Variants in NAALADL2 observed in about 807,000 individuals in gnomAD.
NAALADL2 encodes N-acetylated alpha-linked acidic dipeptidase like 2.
In NAALADL2, 76 loss-of-function variants were observed where a neutral mutation model predicts 87.2. The ratio of observed to expected loss-of-function variants is 0.87; its 90% CI spans 0.72 to 1.05. The LOEUF (loss-of-function observed/expected upper bound fraction) is 1.05. Among genes scored for constraint, NAALADL2 ranks in the 50% least tolerant of loss-of-function variants. The pLI is 0.00. For missense variants in NAALADL2, 1,089 were observed against 945.8 expected (o/e 1.15, Z -1.99); for synonymous variants, 354 against 331.0 (o/e 1.07, Z -0.75).
chr3:174,899,404 G>A (rs1440074340), intron 1 of NAALADL2, among the ~76,000 whole-genome samples: 1 of 152,074 alleles, frequency 6.6e-6, no homozygotes, highest in Non-Finnish European at 1.5e-5. Flanking sequence ...ATTGGATCAT[G>A]GGGGCCAATG....
intron 9 of NAALADL2, among the ~76,000 whole-genome samples, chr3:175,526,440 T>C (rs563413904): frequency 6.6e-6 from 1 of 152,324 alleles, no homozygotes; most frequent in South Asian, 2.1e-4. Context: ...TTTGCACAGA[T>C]TAAATCATTT....
intron 2 of NAALADL2, among the ~76,000 whole-genome samples, chr3:175,113,223 G>GT (rs1724505525): frequency 6.6e-6 from 1 of 151,466 alleles, no homozygotes; most frequent in African/African-American, 2.4e-5. Context: ...ATAAAAACAA[G>GT]AAGGACGTTG....
intron 1 of NAALADL2, among the ~76,000 whole-genome samples, chr3:175,043,594 A>G (rs1474513574): frequency 7.2e-5 from 11 of 152,132 alleles, no homozygotes; most frequent in Admixed American, 7.2e-4. Flanking sequence ...AATTTTTTAC[A>G]TGTGGATATC....
chr3:174,942,766 G>A (rs758008400), intron 1 of NAALADL2, among the ~76,000 whole-genome samples: 5 of 151,984 alleles, frequency 3.3e-5, no homozygotes, highest in Non-Finnish European at 5.9e-5. Context: ...ATTTTGGTCT[G>A]TCTTATTTCA....
intron 1 of NAALADL2, among the ~76,000 whole-genome samples, chr3:174,480,354 G>A (rs532739390): frequency 2.0e-5 from 3 of 152,074 alleles, no homozygotes; most frequent in African/African-American, 7.2e-5. Context: ...CTATGAATTG[G>A]GATATCAATA....
chr3:175,092,489 GC>G (rs1289252520), intron 1 of NAALADL2, among the ~76,000 whole-genome samples: 1 of 151,750 alleles, frequency 6.6e-6, no homozygotes, highest in Non-Finnish European at 1.5e-5. Context: ...TAAAATATTT[GC>G]CAGACACTGT....
Position 175,313,547 on chromosome 3 carries a change from C to T in NAALADL2, c.940-10628C>T, listed in dbSNP as rs539777645. Among the ~76,000 whole-genome samples, 10 of 152,130 alleles carry T rather than the reference C, an allele frequency of 6.6e-5. No individual in the cohort carries two copies. In the East Asian group the frequency reaches 1.2e-3, roughly 18 times the overall value. On this transcript the variant is annotated intron_variant, in intron 4 of 13. Coordinates refer to ENST00000454872, the MANE Select transcript of NAALADL2 (RefSeq NM_207015.3). ...TTCTGACCAGCAAAAGTAAAAAGATCGGGATTACATTTTACTGGCTCAAAA... is the reference window on the plus strand; with the variant it reads ...TTCTGACCAGCAAAAGTAAAAAGATTGGGATTACATTTTACTGGCTCAAAA...
chr3:174,667,071 C>T (rs1213120442), intron 2 of NAALADL2, among the ~76,000 whole-genome samples: 1 of 152,104 alleles, frequency 6.6e-6, no homozygotes, highest in Admixed American at 6.6e-5. Context: ...TTTTCTTTAT[C>T]CATTCATCCA....
chr3:174,989,668 G>T (rs528324850), intron 1 of NAALADL2, among the ~76,000 whole-genome samples: 7 of 152,214 alleles, frequency 4.6e-5, no homozygotes, highest in African/African-American at 1.7e-4. Context: ...AAGAAGATGA[G>T]TTTAAAGGCT....
chr3:175,530,232 T>C (rs1009711767), intron 9 of NAALADL2, among the ~76,000 whole-genome samples: 3 of 152,198 alleles, frequency 2.0e-5, no homozygotes, highest in Non-Finnish European at 4.4e-5. Flanking sequence ...AGGTCACCCA[T>C]TGGTGAGCAC....
chr3:174,450,244 T>C (rs1294896316), intron 1 of NAALADL2, among the ~76,000 whole-genome samples: 1 of 151,824 alleles, frequency 6.6e-6, no homozygotes, highest in Non-Finnish European at 1.5e-5. Flanking sequence ...AGACAATGAG[T>C]TTTGTCAGCA....
intron 1 of NAALADL2, among the ~76,000 whole-genome samples, chr3:175,057,700 G>A (rs1017720962): frequency 7.2e-5 from 11 of 152,168 alleles, no homozygotes; most frequent in Admixed American, 4.6e-4. Flanking sequence ...GCATTCAGAT[G>A]TCAAGGTCAC....
intron 1 of NAALADL2, among the ~76,000 whole-genome samples, chr3:175,014,207 T>C (rs1397561992): frequency 6.6e-6 from 1 of 152,084 alleles, no homozygotes; most frequent in African/African-American, 2.4e-5. Flanking sequence ...TGCCGTCACC[T>C]CTAGGTCTTT....
intron 9 of NAALADL2, among the ~76,000 whole-genome samples, chr3:175,570,898 A>T (rs968126627): frequency 2.0e-5 from 3 of 149,482 alleles, no homozygotes; most frequent in Non-Finnish European, 4.5e-5. Context: ...AAAAAAAAAA[A>T]GTGACTTAAT....
intron 5 of NAALADL2, among the ~76,000 whole-genome samples, chr3:175,326,571 A>G (rs1029943046): frequency 6.6e-6 from 1 of 152,188 alleles, no homozygotes; most frequent in African/African-American, 2.4e-5. Context: ...TTGTGTTGCT[A>G]TAATGGAGTG....
intron 2 of NAALADL2, among the ~76,000 whole-genome samples, chr3:175,134,037 T>C (rs1229672799): frequency 2.0e-5 from 3 of 152,202 alleles, no homozygotes; most frequent in Non-Finnish European, 4.4e-5. Flanking sequence ...TCTGGGTGTT[T>C]CTATAGTTGT....
chr3:174,702,372 A>C (rs9834476), intron 2 of NAALADL2, among the ~76,000 whole-genome samples: 51,899 of 151,646 alleles, frequency 0.34, 9,374 homozygotes, highest in African/African-American at 0.45. Context: ...TCTATCTGTC[A>C]ATTAACATGA....
chr3:175,327,031 A>G (rs932774079), intron 5 of NAALADL2, among the ~76,000 whole-genome samples: 1 of 152,212 alleles, frequency 6.6e-6, no homozygotes, highest in Non-Finnish European at 1.5e-5. Flanking sequence ...AGTAATTTAG[A>G]ACAACCCAAA....
chr3:175,296,804 C>T (rs1309898366), intron 4 of NAALADL2, among the ~76,000 whole-genome samples: 4 of 152,094 alleles, frequency 2.6e-5, no homozygotes, highest in African/African-American at 9.7e-5. Flanking sequence ...CCCACTATTG[C>T]TTCTCAGAGG....
Sources: gnomAD v4.1 joint callset for allele counts (sites outside exome capture counted in the v4.1 genomes callset) on GRCh38, gnomAD v4.1.1 for gene constraint, MANE v1.5 for transcripts, NCBI Gene and HGNC (gene_info 2026-07-23, HGNC 2026-07-21) for gene names.